Variants in HSPG2 observed in about 807,000 individuals in gnomAD.
HSPG2 encodes the protein heparan sulfate proteoglycan 2.
A neutral mutation model predicts 526.6 loss-of-function variants in HSPG2; 278 were observed. That is an observed-to-expected ratio of 0.53 (90% confidence interval 0.48 to 0.58). HSPG2 has a LOEUF of 0.58. HSPG2 is among the 20% of genes least tolerant of loss of function. The pLI is 0.00. For missense variants in HSPG2, 5,354 were observed against 6,099.5 expected (o/e 0.88, Z 4.07); for synonymous variants, 2,465 against 2,555.4 (o/e 0.96, Z 1.07).
Position 21,831,788 on chromosome 1 carries a change from G to A in HSPG2, c.11216C>T (p.Ala3739Val), listed in dbSNP as rs2098005351. The A allele has an allele frequency of 1.2e-6, 2 of 1,600,440 alleles. No individual in the cohort carries two copies. The highest frequency in any genetic ancestry group is 8.5e-7 in the Non-Finnish European group (1 of 1,171,050). Residue 3739 changes from alanine (A) to valine (V), a missense_variant, in exon 82 of 97, where the codon GCA becomes GTA. Ala to Val is a moderately conservative substitution (Grantham distance 64). Coordinates refer to ENST00000374695, the MANE Select transcript of HSPG2 (RefSeq NM_005529.7). ...VGGRPEFRFD[A>V]GSGMATIRHP... ...GCGGATGGTGGCCATGCCTGAGCCT[G>A]CATCGAACCTGCTCCGTGGGGCAGG...
chr1:21,888,441 C>G (rs1480094247), intron 6 of HSPG2, among the ~76,000 whole-genome samples: 1 of 152,212 alleles, frequency 6.6e-6, no homozygotes, highest in Non-Finnish European at 1.5e-5. Context: ...CCCTTCTTTC[C>G]TCTCCATCCT....
intron 91 of HSPG2, chr1:21,825,091 G>A (rs1422648039): frequency 2.3e-6 from 1 of 429,960 alleles, no homozygotes; most frequent in Non-Finnish European, 4.3e-6. Flanking sequence ...TCACATGACA[G>A]TAGCTGCAAA....
intron 47 of HSPG2, 46 bp downstream of exon 47, chr1:21,855,258 G>A: frequency 6.3e-7 from 1 of 1,575,052 alleles, no homozygotes; most frequent in Non-Finnish European, 8.6e-7. Context: ...GGGACTCTCT[G>A]CAGAGCCTGT....
rs1572280168 is a variant in HSPG2 at position 21,865,601 on chromosome 1, C to A, written c.4314+116G>T. On this transcript the variant is annotated intron_variant, in intron 34 of 96. Transcript: ENST00000374695. The surrounding 1 kb of genome is among the most constrained non-coding windows in gnomAD (Gnocchi z 5.4). ...ATGTGGGGGCATGGGCCTAACTCCC[C>A]CAGCCTGTGCCAGAAAACTGAGTGC... 6.1e-6 allele frequency: 6 copies of A among 991,314 alleles called. No homozygotes were observed. In the East Asian group the frequency reaches 1.4e-4, roughly 24 times the overall value. The allele number at this position is 991,314 out of a possible 1,614,324, so 61.4% of individuals were successfully genotyped here.
chr1:21,867,049 A>T (rs1045332029), intron 33 of HSPG2, among the ~76,000 whole-genome samples: 7 of 135,720 alleles, frequency 5.2e-5, no homozygotes, highest in Admixed American at 8.0e-5. Flanking sequence ...AGTGATTTTT[A>T]AAAATTTTTT....
intron 14 of HSPG2, among the ~76,000 whole-genome samples, chr1:21,881,057 A>G (rs1056059187): frequency 5.9e-5 from 9 of 152,118 alleles, no homozygotes; most frequent in African/African-American, 2.2e-4. Context: ...TGCAGTGCAC[A>G]GGGTACCCAG....
chr1:21,876,238 C>T lies in HSPG2; in HGVS notation c.2994G>A (p.Leu998=), dbSNP rs1402532423. Reference sequence around the variant, plus strand: ...TCCACCCACTACCCACCTTGTCCCCCAGGAAGCGTGAAGGGAGGCTCCAGA... The same window carrying T: ...TCCACCCACTACCCACCTTGTCCCCTAGGAAGCGTGAAGGGAGGCTCCAGA... ...PYFWSLPSRF[L]GDKVTSYGGE... The change falls in exon 23 of 97, where the codon CTG becomes CTA. Residue 998 remains leucine, a synonymous_variant. Transcript: ENST00000374695. The T allele has an allele frequency of 4.4e-6, 7 of 1,608,704 alleles. No homozygotes were observed. The highest frequency in any genetic ancestry group is 2.2e-5 in the East Asian group (1 of 44,740).
chr1:21,824,156 G>C lies in HSPG2; in HGVS notation c.12864C>G (p.Ile4288Met), dbSNP rs2097961262. 6.2e-7 allele frequency: 1 copy of C among 1,613,662 alleles called. No individual in the cohort carries two copies. The highest frequency in any genetic ancestry group is 1.3e-5 in the African/African-American group (1 of 75,050). ...GEARLVSEDP[I>M]NDGEWHRVTA... ...TCACCCGGTGCCACTCGCCGTCATTGATGGGGTCCTCAGAGACCAGGCGGG... is the reference window on the plus strand; with the variant it reads ...TCACCCGGTGCCACTCGCCGTCATTCATGGGGTCCTCAGAGACCAGGCGGG... Residue 4288 changes from isoleucine to methionine, a missense_variant, in exon 95 of 97, where the codon ATC becomes ATG. By Grantham distance (10) the Ile-to-Met change is conservative. Transcript: ENST00000374695. The surrounding 1 kb of genome is among the most constrained non-coding windows in gnomAD (Gnocchi z 5.9).
chr1:21,842,756 C>T lies in HSPG2; in HGVS notation c.8910+14G>A. ...TTGCCTGACCTGGAATCCTCCCCAT[C>T]CTGGCCCCTGTACCTGGTGCCGGGC... On this transcript the variant is annotated intron_variant, in intron 67 of 96. Transcript: ENST00000374695. 1.2e-6 allele frequency: 2 copies of T among 1,612,622 alleles called. No homozygotes were observed. Among genetic ancestry groups the T allele is most frequent in the Non-Finnish European group, 1.7e-6 (2 of 1,180,026 alleles).
At chr1:21,851,488 C>T in intron 55 of HSPG2, 58 bp downstream of exon 55, 1 of 1,611,338 alleles carries the variant, frequency 6.2e-7, no homozygotes, top group East Asian at 2.2e-5. Context: ...CCCCAATAAC[C>T]TCCGCCACCC....
At position 21,824,055 on chromosome 1, in the gene HSPG2, T is replaced by G; in HGVS notation, c.12899+66A>C. 1 of 1,403,058 alleles carries G rather than the reference T, an allele frequency of 7.1e-7. No individual in the cohort carries two copies. Among genetic ancestry groups the G allele is most frequent in the Non-Finnish European group, 1.0e-6 (1 of 1,004,018 alleles). 86.9% of individuals were successfully genotyped at this position (1,403,058 alleles called of 1,614,324 possible). ...TCAATACCTGCCTCTCTGCCCATGG[T>G]AGGGGGCGTCCTGCCCCACTCCAGA... is the stretch of plus-strand genomic sequence containing the variant. On this transcript the variant is annotated intron_variant, in intron 95 of 96. Transcript: ENST00000374695. This position sits in a 1 kb window ranked among gnomAD's most constrained non-coding sequence, Gnocchi z 5.9.
In HSPG2 at chr1:21,823,294, T is replaced by C; in HGVS notation, c.*22A>G. On this transcript the variant is annotated 3_prime_UTR_variant, in exon 97 of 97. Coordinates refer to ENST00000374695, the MANE Select transcript of HSPG2 (RefSeq NM_005529.7). Reference sequence around the variant, plus strand: ...GTCGGGCTGGGGCGTGGCCCGGGAGTCCGTGTGGGGCAGGCAGGTGCCTAC... The same window carrying C: ...GTCGGGCTGGGGCGTGGCCCGGGAGCCCGTGTGGGGCAGGCAGGTGCCTAC... The C allele has an allele frequency of 6.7e-7, 1 of 1,497,704 alleles. No homozygotes were observed. Among genetic ancestry groups the C allele is most frequent in the Non-Finnish European group, 8.9e-7 (1 of 1,124,114 alleles). 92.8% of individuals were successfully genotyped at this position (1,497,704 alleles called of 1,614,324 possible).
chr1:21,874,804 G>C (rs2152747285), intron 26 of HSPG2, 75 bp from the exon 27 acceptor site: 2 of 1,508,250 alleles, frequency 1.3e-6, no homozygotes, highest in East Asian at 4.7e-5. Flanking sequence ...GATGGCCAGG[G>C]CTGGGGAGGT....
At position 21,922,685 on chromosome 1, in the gene HSPG2, C is replaced by T. The variant is rs1383168945; in HGVS notation, c.63+14470G>A. Among the ~76,000 whole-genome samples, 6 of 152,244 alleles carry T rather than the reference C, an allele frequency of 3.9e-5. No homozygotes were observed. In the East Asian group the frequency reaches 7.7e-4, roughly 20 times the overall value. On this transcript the variant is annotated intron_variant, in intron 1 of 96. Transcript: ENST00000374695. ...ACCTGAAGCCAACGTAAGGTGGAGC[C>T]TCTTGGAGGAAGGTGGCCCTGCCTA...
At chr1:21,897,883 G>A (rs1015764722) in intron 1 of HSPG2, among the ~76,000 whole-genome samples, 1 of 152,058 alleles carries the variant, frequency 6.6e-6, no homozygotes, top group African/African-American at 2.4e-5. Flanking sequence ...GCCTAAATAA[G>A]GATGACTAGA....
intron 33 of HSPG2, chr1:21,869,755 G>A (rs1640504208): frequency 7.1e-6 from 7 of 984,218 alleles, no homozygotes; most frequent in African/African-American, 7.0e-5. Context: ...GGCCCAGCCA[G>A]CCACCCGCTC....
chr1:21,884,966 C>G (rs1219920185), intron 11 of HSPG2, 47 bp downstream of exon 11: 3 of 1,613,832 alleles, frequency 1.9e-6, no homozygotes, highest in Non-Finnish European at 2.5e-6. Context: ...GGGCTCTGGA[C>G]CAGCTGCCCC....
Position 21,852,109 on chromosome 1 carries a change from G to T in HSPG2, c.6849C>A (p.Gly2283=), listed in dbSNP as rs1638951390. The change falls in exon 53 of 97, where the codon GGC becomes GGA. Residue 2283 remains glycine (G), a synonymous_variant. Transcript: ENST00000374695. ...HAQVTWYKRG[G]SLPARHQVRG... ...GTACCTGGTGCCGGGCAGGGAGGCTGCCCCCACGCTTGTACCATGTGACCT... is the reference window on the plus strand; with the variant it reads ...GTACCTGGTGCCGGGCAGGGAGGCTTCCCCCACGCTTGTACCATGTGACCT... 6.2e-7 allele frequency: 1 copy of T among 1,613,524 alleles called. No individual in the cohort carries two copies.
intron 1 of HSPG2, among the ~76,000 whole-genome samples, chr1:21,914,164 C>T (rs769526121): frequency 6.6e-6 from 1 of 152,116 alleles, no homozygotes; most frequent in Non-Finnish European, 1.5e-5. Flanking sequence ...TGGTGCTGAC[C>T]GTCTACTTGG....
Sources: allele counts gnomAD v4.1 joint callset (sites outside exome capture counted in the v4.1 genomes callset), GRCh38; gene constraint gnomAD v4.1.1; non-coding constraint Gnocchi (gnomAD v3.1); transcripts MANE v1.5; gene names NCBI Gene and HGNC (gene_info 2026-07-23, HGNC 2026-07-21).